DNAH14: variants seen among roughly 807,000 people sequenced by gnomAD.
The protein encoded by DNAH14 is dynein axonemal heavy chain 14.
DNAH14 carries 478 observed loss-of-function variants against 520.9 expected under a neutral mutation model. That is an observed-to-expected ratio of 0.92 (90% CI 0.85 to 0.99). The LOEUF is 0.99. DNAH14 is among the 50% of genes least tolerant of loss of function. The pLI, the probability that DNAH14 is intolerant of heterozygous loss-of-function variation, is 0.00. For missense variants in DNAH14, 4,831 were observed against 5,234.5 expected (o/e 0.92, Z 2.38); for synonymous variants, 1,581 against 1,757.2 (o/e 0.90, Z 2.51).
Position 225,141,018 on chromosome 1 carries a change from C to T in DNAH14, c.4505C>T (p.Thr1502Ile), listed in dbSNP as rs1245878351. Reference sequence around the variant, plus strand: ...TTCAATGCAGAGGATTTTGAGTGGACAAGGTAGGTGGATCTAAATTATAAC... The same window carrying T: ...TTCAATGCAGAGGATTTTGAGTGGATAAGGTAGGTGGATCTAAATTATAAC... Reference protein sequence around the residue: ...NIFNAEDFEWTRHLQYKWNEK... With the variant: ...NIFNAEDFEWIRHLQYKWNEK... Residue 1502 changes from threonine (T) to isoleucine (I), a missense_variant, in exon 28 of 86, where the codon ACA (threonine) becomes ATA (isoleucine). Coordinates refer to ENST00000682510, the MANE Select transcript of DNAH14 (RefSeq NM_001367479.1). 6.5e-7 allele frequency: 1 copy of T among 1,542,784 alleles called. No homozygotes were observed. The highest frequency in any genetic ancestry group is 8.8e-7 in the Non-Finnish European group (1 of 1,141,642).
chr1:225,129,246 G>A (rs1182447043), intron 27 of DNAH14, among the ~76,000 whole-genome samples: 1 of 152,082 alleles, frequency 6.6e-6, no homozygotes, highest in Non-Finnish European at 1.5e-5. Context: ...TACTGCCCAA[G>A]GTAATTTATA....
In DNAH14 at chr1:224,976,970, C is replaced by G. The variant is rs532596387; in HGVS notation, c.830+2817C>G. Among the ~76,000 whole-genome samples, 173 of 151,300 alleles carry G rather than the reference C, an allele frequency of 1.1e-3. 1 individual carries two copies. The highest frequency in any genetic ancestry group is 4.1e-3 in the African/African-American group (168 of 41,210). On this transcript the variant is annotated intron_variant, in intron 8 of 85. Transcript: ENST00000682510. ...CTGGAACTAGAAATACCATTTGACC[C>G]AGCCATCCCATTACTGGGTATATAC...
intron 27 of DNAH14, among the ~76,000 whole-genome samples, chr1:225,129,715 C>G (rs1391922161): frequency 1.3e-5 from 2 of 151,734 alleles, no homozygotes; most frequent in Non-Finnish European, 2.9e-5. Context: ...CATAAAAACC[C>G]TAGAAGAAAA....
chr1:225,331,884 A>G (rs1026953738), intron 65 of DNAH14, among the ~76,000 whole-genome samples: 3 of 152,200 alleles, frequency 2.0e-5, no homozygotes, highest in Non-Finnish European at 2.9e-5. Flanking sequence ...CTTTTCTAGC[A>G]CTGGGAGAAC....
chr1:224,947,139 A>G (rs1384032554), intron 1 of DNAH14, among the ~76,000 whole-genome samples: 1 of 151,940 alleles, frequency 6.6e-6, no homozygotes, highest in Non-Finnish European at 1.5e-5. Context: ...GCTGGTCTGG[A>G]ACTCCTGACC....
At chr1:225,141,101 C>T in intron 28 of DNAH14, 80 bp downstream of exon 28, 2 of 1,333,400 alleles carry the variant, frequency 1.5e-6, no homozygotes, top group Non-Finnish European at 2.0e-6. Flanking sequence ...CTACCTCACA[C>T]TTTGTCAAAC....
At chr1:225,385,879 C>T (rs1282741602) in intron 81 of DNAH14, among the ~76,000 whole-genome samples, 1 of 152,290 alleles carries the variant, frequency 6.6e-6, no homozygotes, top group East Asian at 1.9e-4. Flanking sequence ...GAAAAAACTA[C>T]TTTAAAGTTC....
chr1:225,159,350 CTTGA>C lies in DNAH14; in HGVS notation c.5314_5317del (p.Ile1772LeufsTer5). On this transcript the variant is annotated frameshift_variant, in exon 35 of 86. Coordinates refer to ENST00000682510, the MANE Select transcript of DNAH14 (RefSeq NM_001367479.1). LOFTEE classifies it high-confidence loss of function. ...ACAGTCTTTCTGAAGCAGATGAAAC[CTTGA>C]TTGTTATCGAGGCTATAAGAGAAGC... 6.4e-7 allele frequency: 1 copy of C among 1,551,288 alleles called. No homozygotes were observed. The highest frequency in any genetic ancestry group is 8.7e-7 in the Non-Finnish European group (1 of 1,146,788).
At chr1:225,314,751 G>A (rs1448987076) in intron 60 of DNAH14, among the ~76,000 whole-genome samples, 2 of 152,164 alleles carry the variant, frequency 1.3e-5, no homozygotes, top group Non-Finnish European at 2.9e-5. Flanking sequence ...CTTTAAGAAG[G>A]CTGAATATTG....
At chr1:225,059,932 C>G (rs943972812) in intron 17 of DNAH14, among the ~76,000 whole-genome samples, 2 of 152,228 alleles carry the variant, frequency 1.3e-5, no homozygotes, top group East Asian at 3.9e-4. Flanking sequence ...GTGGGTAACC[C>G]GACCTTTCTC....
At chr1:225,230,170 C>A (rs1195578918) in intron 41 of DNAH14, among the ~76,000 whole-genome samples, 2 of 151,994 alleles carry the variant, frequency 1.3e-5, no homozygotes, top group Admixed American at 1.3e-4. Flanking sequence ...GCATTCATAG[C>A]AGAATTACTT....
At chr1:225,301,710 G>A (rs981720471) in intron 56 of DNAH14, among the ~76,000 whole-genome samples, 3 of 151,974 alleles carry the variant, frequency 2.0e-5, no homozygotes, top group African/African-American at 7.3e-5. Context: ...TCTATCATAG[G>A]GCAATTTAAA....
rs545879749 is a variant in DNAH14 at position 225,154,038 on chromosome 1, T to A, written c.5273+212T>A. ...TTTCCCCAATAGAGAGCCTATTCTT[T>A]AAAAAAAAGTGTTTTACATAATAAA... is the stretch of plus-strand genomic sequence containing the variant. On this transcript the variant is annotated intron_variant, in intron 34 of 85. Transcript: ENST00000682510. Among the ~76,000 whole-genome samples, 8 of 151,598 alleles carry A rather than the reference T, an allele frequency of 5.3e-5. No individual in the cohort carries two copies. The South Asian group carries it at 1.5e-3, about 28-fold the overall frequency.
At chr1:225,354,094 C>A in intron 73 of DNAH14, 1 of 701,666 alleles carries the variant, frequency 1.4e-6, no homozygotes. Context: ...TTCCTGGAGT[C>A]CCTCTGTCCC....
chr1:224,977,123 T>C (rs908314284), intron 8 of DNAH14, among the ~76,000 whole-genome samples: 13 of 151,480 alleles, frequency 8.6e-5, no homozygotes, highest in Non-Finnish European at 1.8e-4. Context: ...ATTAAGAAAA[T>C]GTGGCACATA....
intron 8 of DNAH14, among the ~76,000 whole-genome samples, chr1:224,993,261 G>T (rs767989201): frequency 6.6e-6 from 1 of 151,938 alleles, no homozygotes; most frequent in African/African-American, 2.4e-5. Context: ...TTTTTGGAAG[G>T]GTTTATGAGG....
At chr1:225,347,273 C>A (rs1231078184) in intron 71 of DNAH14, among the ~76,000 whole-genome samples, 3 of 152,170 alleles carry the variant, frequency 2.0e-5, no homozygotes, top group African/African-American at 4.8e-5. Context: ...ATATACAGAT[C>A]AGAATACCTC....
intron 21 of DNAH14, among the ~76,000 whole-genome samples, chr1:225,094,069 A>G (rs967470808): frequency 6.6e-6 from 1 of 152,236 alleles, no homozygotes; most frequent in African/African-American, 2.4e-5. Context: ...AGCGTTTTAC[A>G]GATTCAGTGC....
intron 1 of DNAH14, among the ~76,000 whole-genome samples, chr1:224,941,245 T>A (rs1293923418): frequency 2.6e-5 from 4 of 152,290 alleles, no homozygotes; most frequent in East Asian, 1.9e-4. Context: ...ATTGTGGTTT[T>A]GATTTGCATT....
Sources: allele counts gnomAD v4.1 joint callset (sites outside exome capture counted in the v4.1 genomes callset), GRCh38; gene constraint gnomAD v4.1.1; transcripts MANE v1.5; gene names NCBI Gene and HGNC (gene_info 2026-07-23, HGNC 2026-07-21).